Variants in ROS1 observed in about 807,000 individuals in gnomAD.
The protein encoded by ROS1 is proto-oncogene tyrosine-protein kinase ROS.
In ROS1, 263 loss-of-function variants were observed where a neutral mutation model predicts 273.5. That is an observed-to-expected ratio of 0.96 (90% CI 0.87 to 1.06). The LOEUF is 1.06. Ranked by LOEUF, ROS1 falls within the 50% of genes least tolerant of loss-of-function variation. The pLI, the probability that ROS1 is intolerant of heterozygous loss-of-function variation, is 0.00. For missense variants in ROS1, 2,833 were observed against 2,751.1 expected, an observed-to-expected ratio of 1.03 and a Z score of -0.67; for synonymous variants, 1,008 against 954.1, an observed-to-expected ratio of 1.06 and a Z score of -1.04.
intron 34 of ROS1, among the ~76,000 whole-genome samples, chr6:117,324,954 A>ATT (rs1326248605): frequency 1.1e-4 from 17 of 152,248 alleles, no homozygotes; most frequent in Non-Finnish European, 2.1e-4. Context: ...AATAAGTTTT[A>ATT]CCTTTGTAAA....
chr6:117,376,710 T>C (rs80138251), intron 18 of ROS1, among the ~76,000 whole-genome samples: 1,808 of 151,484 alleles, frequency 0.012, 41 homozygotes, highest in African/African-American at 0.042. Flanking sequence ...ATAAAAGATA[T>C]GTTAGACATC....
chr6:117,327,216 T>C (rs1776703467), intron 33 of ROS1, among the ~76,000 whole-genome samples: 1 of 151,992 alleles, frequency 6.6e-6, no homozygotes, highest in Non-Finnish European at 1.5e-5. Flanking sequence ...CAACAGAGAG[T>C]GAAGGCTGGC....
chr6:117,365,791 T>A (rs1330202958), intron 19 of ROS1, 50 bp from the exon 20 acceptor site: 1 of 1,343,560 alleles, frequency 7.4e-7, no homozygotes, highest in African/African-American at 1.5e-5. Context: ...TGGGGATTAT[T>A]GACCAATATA....
chr6:117,360,643 T>C (rs893604111), intron 22 of ROS1, among the ~76,000 whole-genome samples: 7 of 152,138 alleles, frequency 4.6e-5, no homozygotes, highest in African/African-American at 1.7e-4. Context: ...GGAACAAATC[T>C]CTCTTGCTAA....
rs2128521000 is a variant in ROS1 at position 117,288,664 on chromosome 6, G to A, written c.6854C>T (p.Pro2285Leu). The stretch of plus-strand genomic sequence containing the variant: ...AGATTCAGATTCCTGGGAGCCTAGA[G>A]GACCCTCAGACTTTTCTTCACCTTG... ...CGQGEEKSEG[P>L]LGSQESESCG... The change falls in exon 44 of 44, where the codon CCT becomes CTT. Residue 2285 changes from proline to leucine, a missense_variant. By Grantham distance (98) the Pro-to-Leu change is moderately conservative. Transcript: ENST00000368507. 3 of 1,614,098 alleles carry A rather than the reference G, an allele frequency of 1.9e-6. No individual in the cohort carries two copies. Among genetic ancestry groups the A allele is most frequent in the Non-Finnish European group, 2.5e-6 (3 of 1,180,020 alleles).
chr6:117,373,205 C>T (rs1210277435), intron 18 of ROS1, among the ~76,000 whole-genome samples: 24 of 152,258 alleles, frequency 1.6e-4, no homozygotes, highest in Non-Finnish European at 1.5e-5. Flanking sequence ...CTCCACCTGA[C>T]TCAGGAGCCC....
In ROS1 at chr6:117,321,349, A is replaced by G. The variant is rs1215395631; in HGVS notation, c.5669T>C (p.Val1890Ala). The G allele has an allele frequency of 6.2e-7, 1 of 1,613,434 alleles. No homozygotes were observed. Among genetic ancestry groups the G allele is most frequent in the Admixed American group, 1.7e-5 (1 of 59,828 alleles). The change falls in exon 36 of 44, where the codon GTG (valine) becomes GCG (alanine). Residue 1890 changes from valine to alanine, a missense_variant. Transcript: ENST00000368507. ...LKNQKSAKEG[V>A]TVLINEDKEL... is the part of the protein sequence containing the mutation. Reference sequence around the variant, plus strand: ...TTTGTCTTCGTTTATAAGCACTGTCACCCCTTCCTTGGCACTTTTTTGATT... The same window carrying G: ...TTTGTCTTCGTTTATAAGCACTGTCGCCCCTTCCTTGGCACTTTTTTGATT...
intron 16 of ROS1, 147 bp downstream of exon 16, chr6:117,385,536 A>G (rs1772497246): frequency 1.4e-6 from 1 of 716,864 alleles, no homozygotes; most frequent in Non-Finnish European, 2.2e-6. Flanking sequence ...AAAAATGTTT[A>G]AGTGACTTGG....
At chr6:117,398,750 G>A (rs570783945) in intron 7 of ROS1, among the ~76,000 whole-genome samples, 14 of 150,660 alleles carry the variant, frequency 9.3e-5, no homozygotes, top group African/African-American at 2.9e-4. Context: ...CGAGGCGGGC[G>A]GATCACGAGG....
At chr6:117,294,383 G>T (rs972378425) in intron 43 of ROS1, among the ~76,000 whole-genome samples, 43 of 151,968 alleles carry the variant, frequency 2.8e-4, no homozygotes, top group African/African-American at 1.0e-3. Context: ...CTTATATCTA[G>T]AAAAACCTAA....
chr6:117,328,830 A>C lies in ROS1; in HGVS notation c.5348+499T>G, dbSNP rs570403569. On this transcript the variant is annotated intron_variant, in intron 33 of 43. Transcript: ENST00000368507. ...TTTCAGTCCCTGGGAACACATTGCA[A>C]ACTGTAATCTTCCCAATGAATACAG... is the stretch of plus-strand genomic sequence containing the variant. 19 of 613,168 alleles carry C rather than the reference A, an allele frequency of 3.1e-5. No individual in the cohort carries two copies. In the African/African-American group the frequency reaches 3.4e-4, roughly 11 times the overall value. 38.0% of individuals were successfully genotyped at this position (613,168 alleles called of 1,614,324 possible). A position where few individuals can be genotyped will look rare whatever the true frequency, so the allele number is the denominator to read the frequency against.
At chr6:117,341,366 T>C in intron 30 of ROS1, 34 bp downstream of exon 30, 1 of 1,612,094 alleles carries the variant, frequency 6.2e-7, no homozygotes, top group East Asian at 2.2e-5. Flanking sequence ...CACTTGAGAA[T>C]GACAATAAAG....
chr6:117,410,895 T>G (rs1213630066), intron 4 of ROS1, among the ~76,000 whole-genome samples: 3 of 152,238 alleles, frequency 2.0e-5, no homozygotes, highest in African/African-American at 7.2e-5. Context: ...AGATTTAGTA[T>G]ACGTTTCGCA....
In ROS1 at chr6:117,317,359, T is replaced by C. The variant is rs981663723; in HGVS notation, c.5988-87A>G. On this transcript the variant is annotated intron_variant, in intron 38 of 43. Coordinates refer to ENST00000368507, the MANE Select transcript of ROS1 (RefSeq NM_001378902.1). ...CTTTATGGAGTACAGCAATTCTTTA[T>C]CAATAGTTTCCTTCAAAACCCCTGA... 6 of 1,419,998 alleles carry C rather than the reference T, an allele frequency of 4.2e-6. No individual in the cohort carries two copies. In the Admixed American group the frequency reaches 1.2e-4, roughly 28 times the overall value. 88.0% of individuals were successfully genotyped at this position (1,419,998 alleles called of 1,614,324 possible).
At chr6:117,409,460 T>C (rs1033778878) in intron 5 of ROS1, 122 bp downstream of exon 5, 6 of 722,980 alleles carry the variant, frequency 8.3e-6, no homozygotes, top group Non-Finnish European at 1.5e-5. Context: ...TAAATAGATA[T>C]TTTTGATCAT....
At position 117,337,357 on chromosome 6, in the gene ROS1, C is replaced by T. The variant is rs777865809; in HGVS notation, c.5062-17G>A. On this transcript the variant is annotated splice_polypyrimidine_tract_variant and intron_variant, in intron 31 of 43. Coordinates refer to ENST00000368507, the MANE Select transcript of ROS1 (RefSeq NM_001378902.1). ...GTATTTCCACTAGAAAAAGAAGTCT[C>T]GATTAATATTTTTGTTTCTCTAAGA... The T allele has an allele frequency of 1.7e-5, 26 of 1,571,852 alleles. No individual in the cohort carries two copies. In the Admixed American group the frequency reaches 3.7e-4, roughly 23 times the overall value.
intron 18 of ROS1, among the ~76,000 whole-genome samples, chr6:117,370,154 A>C (rs1780654455): frequency 6.6e-6 from 1 of 152,188 alleles, no homozygotes; most frequent in African/African-American, 2.4e-5. Flanking sequence ...CTTACCAAAA[A>C]AAGGAATTTT....
intron 36 of ROS1, among the ~76,000 whole-genome samples, chr6:117,320,247 A>G (rs1008056572): frequency 1.3e-5 from 2 of 152,106 alleles, no homozygotes; most frequent in African/African-American, 4.8e-5. Flanking sequence ...ATGATGGTCC[A>G]CTTCTAGGCA....
Position 117,301,006 on chromosome 6 carries a change from T to A in ROS1, c.6683A>T (p.Asn2228Ile). 1 of 1,589,246 alleles carries A rather than the reference T, an allele frequency of 6.3e-7. No individual in the cohort carries two copies. Among genetic ancestry groups the A allele is most frequent in the Non-Finnish European group, 8.5e-7 (1 of 1,170,814 alleles). Residue 2228 changes from asparagine (N) to isoleucine (I), a missense_variant, in exon 43 of 44, where the codon AAC (asparagine) becomes ATC (isoleucine). Asn to Ile is a moderately radical substitution (Grantham distance 149). Transcript: ENST00000368507. The part of the protein sequence containing the change: ...NSIYKSRDEA[N>I]NSGVINESFE... The stretch of plus-strand genomic sequence containing the variant: ...GCTTTCATTTATGACTCCACTGTTG[T>A]TTGCTTCATCTCTGGACTTATAAAT...
Sources: gnomAD v4.1 joint callset for allele counts (sites outside exome capture counted in the v4.1 genomes callset) on GRCh38, gnomAD v4.1.1 for gene constraint, MANE v1.5 for transcripts, NCBI Gene and HGNC (gene_info 2026-07-23, HGNC 2026-07-21) for gene names.